Variants in NMNAT1 observed in about 807,000 individuals in gnomAD.
The protein encoded by NMNAT1 is nicotinamide nucleotide adenylyltransferase 1, also known as nicotinamide/nicotinic acid mononucleotide adenylyltransferase 1.
In NMNAT1, 11 loss-of-function variants were observed where a neutral mutation model predicts 16.7. The ratio of observed to expected loss-of-function variants is 0.66; its 90% CI spans 0.41 to 1.09. NMNAT1 has a LOEUF of 1.09. NMNAT1 is among the 50% of genes least tolerant of loss of function. The pLI is 0.00. For synonymous variants in NMNAT1, 110 were observed against 119.8 expected, an observed-to-expected ratio of 0.92 and a Z score of 0.53; for missense variants, 280 against 332.3, an observed-to-expected ratio of 0.84 and a Z score of 1.22.
intron 2 of NMNAT1, among the ~76,000 whole-genome samples, chr1:9,972,902 C>G (rs138103520): frequency 1.3e-5 from 2 of 152,028 alleles, no homozygotes; most frequent in African/African-American, 4.8e-5. Flanking sequence ...TCTAGGCTAC[C>G]GTGAGCCATG....
intron 1 of NMNAT1, among the ~76,000 whole-genome samples, chr1:9,970,896 A>G (rs1641673709): frequency 6.6e-6 from 1 of 152,182 alleles, no homozygotes. Flanking sequence ...ATATTGTTGT[A>G]TTAATTAACT....
Position 9,981,190 on chromosome 1 carries a change from AC to A in NMNAT1, c.439+23del. The A allele has an allele frequency of 1.2e-6, 2 of 1,600,354 alleles. No homozygotes were observed. Among genetic ancestry groups the A allele is most frequent in the Non-Finnish European group, 1.7e-6 (2 of 1,175,320 alleles). On this transcript the variant is annotated intron_variant, in intron 4 of 4. Transcript: ENST00000377205. ...CAAAAGGTTTGTATGTTTTAGCAGG[AC>A]CCACGGACTAGAGTTGATAAGATTC...
At chr1:9,958,443 G>GTTTTTT (rs766788344) in intron 1 of NMNAT1, among the ~76,000 whole-genome samples, 1 of 139,650 alleles carries the variant, frequency 7.2e-6, no homozygotes. Context: ...GTTTTGTTTT[G>GTTTTTT]TTTTTTTTTT....
At chr1:9,969,934 T>C (rs1641650539) in intron 1 of NMNAT1, among the ~76,000 whole-genome samples, 2 of 152,132 alleles carry the variant, frequency 1.3e-5, no homozygotes, top group African/African-American at 2.4e-5. Flanking sequence ...AGGACAGCAC[T>C]GTGAAATTTC....
chr1:9,946,705 A>G (rs538700806), intron 1 of NMNAT1, among the ~76,000 whole-genome samples: 381 of 152,330 alleles, frequency 2.5e-3, no homozygotes, highest in Non-Finnish European at 4.1e-3. Context: ...TAAGGAAATA[A>G]TTAAGGTTAA....
chr1:9,948,069 C>T (rs1396158278), intron 1 of NMNAT1, among the ~76,000 whole-genome samples: 1 of 152,100 alleles, frequency 6.6e-6, no homozygotes, highest in Non-Finnish European at 1.5e-5. Context: ...TTTCTAATTC[C>T]TAACTTAGTG....
At chr1:9,971,784 A>C (rs1641693272) in intron 1 of NMNAT1, among the ~76,000 whole-genome samples, 1 of 152,040 alleles carries the variant, frequency 6.6e-6, no homozygotes, top group South Asian at 2.1e-4. Context: ...GCAACATAGC[A>C]AGACCCCCAT....
At chr1:9,963,436 G>A (rs200701875) in intron 1 of NMNAT1, among the ~76,000 whole-genome samples, 11 of 150,022 alleles carry the variant, frequency 7.3e-5, no homozygotes, top group Middle Eastern at 3.4e-3. Context: ...CCAAGATGGC[G>A]TCTTGCTGTG....
At chr1:9,994,388 C>T in the NMNAT1 span, among the ~76,000 whole-genome samples, 2 of 151,802 alleles carry the variant, frequency 1.3e-5, no homozygotes, top group Non-Finnish European at 2.9e-5. Context: ...GCTGGGATTA[C>T]GAACGTGAGC....
intron 1 of NMNAT1, among the ~76,000 whole-genome samples, chr1:9,945,216 A>G (rs972774356): frequency 4.6e-5 from 7 of 152,334 alleles, no homozygotes; most frequent in Admixed American, 4.6e-4. Flanking sequence ...CCTGGGTGAC[A>G]GAGCAACTCC....
chr1:9,951,045 C>T (rs897269056), intron 1 of NMNAT1, among the ~76,000 whole-genome samples: 5 of 150,898 alleles, frequency 3.3e-5, no homozygotes, highest in African/African-American at 1.2e-4. Context: ...GCCAAGATCA[C>T]GCCACTGCAC....
Position 9,983,271 on chromosome 1 carries a change from C to T in NMNAT1, c.*570C>T, listed in dbSNP as rs1309753165. ...TTGGGAGGCTGAGGCAGGAGAATCG[C>T]TTGAACCCGGGAGGCACAGGTTCCA... On this transcript the variant is annotated 3_prime_UTR_variant, in exon 5 of 5. Coordinates refer to ENST00000377205, the MANE Select transcript of NMNAT1 (RefSeq NM_022787.4). 6.6e-6 allele frequency: 1 copy of T among 151,884 alleles called. No homozygotes were observed. The highest frequency in any genetic ancestry group is 1.5e-5 in the Non-Finnish European group (1 of 68,070). 9.4% of individuals were successfully genotyped at this position (151,884 alleles called of 1,614,324 possible).
rs970632714 is a variant in NMNAT1, at chr1:9,982,911, T to C, written c.*210T>C. The stretch of plus-strand genomic sequence containing the variant: ...TCACGGGGTCAAGAGATCGAGACCA[T>C]CCTGGCCAATATGGTGAAACCCCAT... On this transcript the variant is annotated 3_prime_UTR_variant, in exon 5 of 5. Coordinates refer to ENST00000377205, the MANE Select transcript of NMNAT1 (RefSeq NM_022787.4). 8.8e-6 allele frequency: 4 copies of C among 456,052 alleles called. No homozygotes were observed. The highest frequency in any genetic ancestry group is 8.0e-5 in the African/African-American group (4 of 49,972). 28.3% of individuals were successfully genotyped at this position (456,052 alleles called of 1,614,324 possible).
chr1:9,982,270 A>G (rs778229518), intron 4 of NMNAT1, 31 bp from the exon 5 acceptor site: 5 of 1,564,318 alleles, frequency 3.2e-6, no homozygotes, highest in Non-Finnish European at 4.3e-6. Context: ...AAGAAAAAGC[A>G]TACCCCAAAG....
chr1:9,995,419 G>C, the NMNAT1 span, among the ~76,000 whole-genome samples: 6 of 151,636 alleles, frequency 4.0e-5, no homozygotes, highest in Non-Finnish European at 8.8e-5. Flanking sequence ...CAGTCTGGGT[G>C]TGGTGGCTCA....
chr1:9,990,149 A>G (rs999599877), downstream of NMNAT1, among the ~76,000 whole-genome samples: 1 of 152,178 alleles, frequency 6.6e-6, no homozygotes, highest in Admixed American at 6.5e-5. Context: ...TTTTCATTGC[A>G]AGTAGCAGGA....
the NMNAT1 span, among the ~76,000 whole-genome samples, chr1:9,991,868 C>T: frequency 1.3e-5 from 2 of 151,760 alleles, no homozygotes; most frequent in African/African-American, 4.8e-5. Flanking sequence ...CTTTTCTGTC[C>T]ACATTCTAAA....
chr1:9,975,714 G>T lies in NMNAT1; in HGVS notation c.238G>T (p.Val80Leu). 6 of 1,614,106 alleles carry T rather than the reference G, an allele frequency of 3.7e-6. No homozygotes were observed. The highest frequency in any genetic ancestry group is 5.1e-6 in the Non-Finnish European group (6 of 1,179,994). Residue 80 changes from valine (V) to leucine (L), a missense_variant, in exon 3 of 5, where the codon GTG (valine) becomes TTG (leucine). Physicochemically the swap from Val to Leu is conservative, Grantham distance 32. Transcript: ENST00000377205. ...ACTTGCTACCAAGAATTCTAAATGG[G>T]TGGAAGTTGATACATGGGAAAGTCT... ...AELATKNSKW[V>L]EVDTWESLQK...
At chr1:9,987,915 TCA>T (rs1642065258), downstream of NMNAT1, among the ~76,000 whole-genome samples, 1 of 152,316 alleles carries the variant, frequency 6.6e-6, no homozygotes, top group East Asian at 1.9e-4. Flanking sequence ...ACAATAGTAT[TCA>T]TAAAGTGATT....
Sources: gnomAD v4.1 joint callset for allele counts (sites outside exome capture counted in the v4.1 genomes callset) on GRCh38, gnomAD v4.1.1 for gene constraint, MANE v1.5 for transcripts, NCBI Gene and HGNC (gene_info 2026-07-23, HGNC 2026-07-21) for gene names.